WDFY4: variants seen among roughly 807,000 people sequenced by gnomAD.
WDFY4 encodes the protein WDFY family member 4, also known as WD repeat- and FYVE domain-containing protein 4.
Under a neutral mutation model 351.9 loss-of-function variants are expected in WDFY4, and 169 were observed. That is an observed-to-expected ratio of 0.48 (90% CI 0.42 to 0.55). The LOEUF (loss-of-function observed/expected upper bound fraction) is 0.55. WDFY4 is among the 20% of genes least tolerant of loss of function. The pLI is 0.00. For synonymous variants in WDFY4, 1,622 were observed against 1,574.6 expected, an observed-to-expected ratio of 1.03 and a Z score of -0.71; for missense variants, 3,803 against 3,935.6, an observed-to-expected ratio of 0.97 and a Z score of 0.90.
chr10:48,975,496 G>A (rs563694024), intron 58 of WDFY4, among the ~76,000 whole-genome samples: 3 of 152,326 alleles, frequency 2.0e-5, no homozygotes, highest in South Asian at 4.1e-4. Context: ...CTGAAGCCCT[G>A]TCATGGGATA....
intron 47 of WDFY4, among the ~76,000 whole-genome samples, chr10:48,933,995 G>T (rs1453736048): frequency 1.3e-5 from 2 of 152,100 alleles, no homozygotes; most frequent in African/African-American, 2.4e-5. Context: ...GGGCTCAGGG[G>T]CCCTGCAGGG....
intron 1 of WDFY4, among the ~76,000 whole-genome samples, chr10:48,686,286 G>A (rs2063044788): frequency 1.5e-5 from 2 of 134,296 alleles, no homozygotes; most frequent in South Asian, 4.8e-4. Context: ...TTCAAGACCA[G>A]TCTGGACAAC....
At chr10:48,878,284 G>A (rs1196610406) in intron 43 of WDFY4, among the ~76,000 whole-genome samples, 1 of 152,120 alleles carries the variant, frequency 6.6e-6, no homozygotes, top group African/African-American at 2.4e-5. Context: ...GACACACAGA[G>A]ATAAATGCAC....
chr10:48,916,387 T>TTTGC (rs1259864320), intron 47 of WDFY4, among the ~76,000 whole-genome samples: 1 of 152,178 alleles, frequency 6.6e-6, no homozygotes, highest in Non-Finnish European at 1.5e-5. Flanking sequence ...TGTTTGTTTG[T>TTTGC]TTGCTTGCTT....
chr10:48,904,469 G>T lies in WDFY4; in HGVS notation c.7586+2606G>T, dbSNP rs541911848. On this transcript the variant is annotated intron_variant, in intron 47 of 61. Coordinates refer to ENST00000325239, the MANE Select transcript of WDFY4 (RefSeq NM_001394531.1). ...GAAGCAAAAAAGAGGATTCATGATA[G>T]CATCTACCTGAAGGTCAAAAATGGT... 1.5e-3 allele frequency among the ~76,000 whole-genome samples: 221 copies of T among 152,268 alleles called. 1 individual carries two copies. The highest frequency in any genetic ancestry group is 4.8e-3 in the African/African-American group (199 of 41,566).
chr10:48,966,894 C>T (rs890338791), intron 55 of WDFY4: 1 of 578,746 alleles, frequency 1.7e-6, no homozygotes, highest in African/African-American at 1.9e-5. Context: ...ACCCACGTCT[C>T]TCTGTCTTTC....
intron 39 of WDFY4, among the ~76,000 whole-genome samples, chr10:48,845,069 G>C (rs1240883491): frequency 6.6e-6 from 1 of 152,144 alleles, no homozygotes; most frequent in Non-Finnish European, 1.5e-5. Context: ...AAAGCTCCGG[G>C]GTACAAATGG....
rs921964664 is a variant in WDFY4, at chr10:48,957,116, C to T, written c.7978-13C>T. The stretch of plus-strand genomic sequence containing the variant: ...GTGAGAGCGGCTGGTCATGTTGGCT[C>T]CATTTCCCCCAGGGCGGAAGCTTCG... On this transcript the variant is annotated splice_polypyrimidine_tract_variant and intron_variant, in intron 51 of 61. Transcript: ENST00000325239. 3.2e-6 allele frequency: 5 copies of T among 1,545,436 alleles called. No individual in the cohort carries two copies. Among genetic ancestry groups the T allele is most frequent in the Non-Finnish European group, 4.4e-6 (5 of 1,142,660 alleles).
rs574478966 is a variant in WDFY4, at chr10:48,812,159, A to G, written c.5214+451A>G. Among the ~76,000 whole-genome samples, 153 of 143,830 alleles carry G rather than the reference A, an allele frequency of 1.1e-3. 1 individual carries two copies. The highest frequency in any genetic ancestry group is 3.7e-3 in the African/African-American group (135 of 36,432). 94.4% of individuals were successfully genotyped at this position (143,830 alleles called of 152,430 possible). A position where few individuals can be genotyped will look rare whatever the true frequency, so the allele number is the denominator to read the frequency against. On this transcript the variant is annotated intron_variant, in intron 30 of 61. Transcript: ENST00000325239. ...CCTTGGGTGACCTCATCCCATAGTT[A>G]TCCTTTCTTTCTTTCTTTTCTTTTT... is the stretch of plus-strand genomic sequence containing the variant.
At chr10:48,898,078 C>T (rs1006719382) in intron 45 of WDFY4, among the ~76,000 whole-genome samples, 5 of 152,102 alleles carry the variant, frequency 3.3e-5, no homozygotes, top group Non-Finnish European at 7.3e-5. Flanking sequence ...TAGGGATCTC[C>T]CAGCTGCCCC....
intron 1 of WDFY4, among the ~76,000 whole-genome samples, chr10:48,700,805 C>T (rs935985174): frequency 4.6e-5 from 7 of 152,178 alleles, no homozygotes; most frequent in African/African-American, 1.4e-4. Flanking sequence ...ATGCTATTAT[C>T]GTTATGATTT....
chr10:48,918,850 G>A (rs1268028924), intron 47 of WDFY4, among the ~76,000 whole-genome samples: 1 of 152,188 alleles, frequency 6.6e-6, no homozygotes, highest in Non-Finnish European at 1.5e-5. Flanking sequence ...GTTGCCAATA[G>A]CTGCCCACTA....
chr10:48,980,893 GA>G (rs763571467), intron 60 of WDFY4, among the ~76,000 whole-genome samples: 3 of 151,970 alleles, frequency 2.0e-5, no homozygotes, highest in South Asian at 2.1e-4. Flanking sequence ...TATATTTTTT[GA>G]AAAAAACATT....
chr10:48,928,772 G>A (rs960641162), intron 47 of WDFY4, among the ~76,000 whole-genome samples: 2 of 152,180 alleles, frequency 1.3e-5, no homozygotes, highest in Non-Finnish European at 2.9e-5. Flanking sequence ...TTTGCTGACC[G>A]CCTATCACCT....
At chr10:48,936,830 T>G (rs1840398384) in intron 47 of WDFY4, among the ~76,000 whole-genome samples, 1 of 134,812 alleles carries the variant, frequency 7.4e-6, no homozygotes. Context: ...AGAGTGAGAC[T>G]CCGTCTCAAA....
intron 47 of WDFY4, among the ~76,000 whole-genome samples, chr10:48,911,934 C>T (rs1460591125): frequency 6.6e-6 from 1 of 152,170 alleles, no homozygotes; most frequent in Non-Finnish European, 1.5e-5. Context: ...ATGAAATGTG[C>T]TGTGTGCTGT....
intron 2 of WDFY4, among the ~76,000 whole-genome samples, chr10:48,712,435 C>G (rs924746254): frequency 6.6e-6 from 1 of 152,190 alleles, no homozygotes; most frequent in Non-Finnish European, 1.5e-5. Flanking sequence ...ACTCTGGATC[C>G]CTGGAACCCA....
chr10:48,876,941 G>T, intron 42 of WDFY4, 92 bp from the exon 43 acceptor site: 2 of 1,304,198 alleles, frequency 1.5e-6, no homozygotes, highest in East Asian at 2.8e-5. Flanking sequence ...GAGCCTTGCT[G>T]CTCCTTGGTG....
rs1416852141 is a variant in WDFY4 at position 48,946,072 on chromosome 10, G to T, written c.7782G>T (p.Arg2594=). Residue 2594 remains arginine (R), a synonymous_variant, in exon 50 of 62, where the codon CGG becomes CGT. Transcript: ENST00000325239. The part of the protein sequence containing the change: ...TLNLANPKIF[R]DLSKPMGAQT... ...ACTTGGCAAATCCGAAGATTTTCCGGGATCTTTCAAAGCCCATGGGGGCTC... is the reference window on the plus strand; with the variant it reads ...ACTTGGCAAATCCGAAGATTTTCCGTGATCTTTCAAAGCCCATGGGGGCTC... The T allele has an allele frequency of 6.5e-7, 1 of 1,545,204 alleles. No homozygotes were observed.
Sources: gnomAD v4.1 joint callset for allele counts (sites outside exome capture counted in the v4.1 genomes callset) on GRCh38, gnomAD v4.1.1 for gene constraint, MANE v1.5 for transcripts, NCBI Gene and HGNC (gene_info 2026-07-23, HGNC 2026-07-21) for gene names.